The following CDK14 variants were observed in gnomAD, a reference collection of about 807,000 sequenced individuals.
The protein encoded by CDK14 is cyclin dependent kinase 14, also known as cyclin-dependent kinase 14.
A neutral mutation model predicts 60.7 loss-of-function variants in CDK14; 34 were observed. The observed-to-expected ratio is 0.56, with a 90% CI of 0.43 to 0.75. The LOEUF is 0.75. Ranked by LOEUF, CDK14 falls within the 30% of genes least tolerant of loss-of-function variation. The pLI, the probability that CDK14 is intolerant of heterozygous loss-of-function variation, is 0.00. For missense variants in CDK14, 482 were observed against 564.1 expected, an observed-to-expected ratio of 0.85 and a Z score of 1.47; for synonymous variants, 197 against 203.7, an observed-to-expected ratio of 0.97 and a Z score of 0.28.
intron 6 of CDK14, among the ~76,000 whole-genome samples, chr7:90,897,113 A>G (rs1342833867): frequency 6.6e-6 from 1 of 152,142 alleles, no homozygotes; most frequent in Non-Finnish European, 1.5e-5. Context: ...TTTGCTTTTA[A>G]TAATGTATCC....
At chr7:91,160,233 C>T (rs2115738447) in intron 14 of CDK14, among the ~76,000 whole-genome samples, 1 of 152,270 alleles carries the variant, frequency 6.6e-6, no homozygotes, top group South Asian at 2.1e-4. Context: ...ACCCTGTGCC[C>T]TCGGCTCTGC....
rs796093975 is a variant in CDK14, at chr7:90,598,704, A to ATTTTTTTTTTTTTTTTTTTTT, written c.91+2004_91+2005insTTTTTTTTTTTTTTTTTTTTT. ...GTGAACTCATTCTGATTATCTAAGG[A>ATTTTTTTTTTTTTTTTTTTTT]TTTTTTTTTTTTTTTTTTGAGACGG... On this transcript the variant is annotated intron_variant, in intron 1 of 14. Coordinates refer to ENST00000380050, the MANE Select transcript of CDK14 (RefSeq NM_001287135.2). 2.2e-4 allele frequency among the ~76,000 whole-genome samples: 19 copies of ATTTTTTTTTTTTTTTTTTTTT among 87,896 alleles called. 2 individuals are homozygous for ATTTTTTTTTTTTTTTTTTTTT. The highest frequency in any genetic ancestry group is 5.8e-4 in the East Asian group (2 of 3,442). The allele number at this position is 87,896 out of a possible 152,430, so 57.7% of individuals were successfully genotyped here. A position where few individuals can be genotyped will look rare whatever the true frequency, so the allele number is the denominator to read the frequency against.
At chr7:90,600,581 G>A (rs1013389841) in intron 1 of CDK14, among the ~76,000 whole-genome samples, 5 of 152,174 alleles carry the variant, frequency 3.3e-5, no homozygotes, top group Non-Finnish European at 7.3e-5. Context: ...TGAACTTTGG[G>A]GTTTGTTACC....
chr7:90,794,360 T>G (rs920711079), intron 5 of CDK14, among the ~76,000 whole-genome samples: 1 of 152,126 alleles, frequency 6.6e-6, no homozygotes, highest in African/African-American at 2.4e-5. Context: ...TGACCAAAAT[T>G]TATTAGGCGG....
At chr7:90,700,108 C>T (rs574078429) in intron 2 of CDK14, among the ~76,000 whole-genome samples, 44 of 152,142 alleles carry the variant, frequency 2.9e-4, no homozygotes, top group African/African-American at 9.2e-4. Flanking sequence ...GTGTCCAGGG[C>T]AACTAGGAAA....
chr7:90,598,703 G>GGTTTTTTTTTTT (rs1563010964), intron 1 of CDK14, among the ~76,000 whole-genome samples: 2 of 18,624 alleles, frequency 1.1e-4, no homozygotes, highest in Non-Finnish European at 1.9e-4. Flanking sequence ...ATTATCTAAG[G>GGTTTTTTTTTTT]ATTTTTTTTT....
At chr7:91,068,807 TAAAAAAAAAAAAAAAAA>T (rs57179045) in intron 11 of CDK14, among the ~76,000 whole-genome samples, 1 of 68,794 alleles carries the variant, frequency 1.5e-5, no homozygotes, top group Admixed American at 2.3e-4. Flanking sequence ...TACCTTATAT[TAAAAAAAAAAAAAAAAA>T]AAAAAAAAGC....
chr7:91,053,427 C>G (rs186840278), intron 11 of CDK14, among the ~76,000 whole-genome samples: 1 of 152,116 alleles, frequency 6.6e-6, no homozygotes, highest in Non-Finnish European at 1.5e-5. Context: ...GCCCACAGAC[C>G]TAGACCTACG....
intron 5 of CDK14, among the ~76,000 whole-genome samples, chr7:90,791,696 C>T (rs560928375): frequency 9.9e-5 from 15 of 152,228 alleles, no homozygotes; most frequent in East Asian, 7.7e-4. Flanking sequence ...TTATCTTTAG[C>T]GGAAACTGTT....
At chr7:91,089,995 T>C (rs1043296889) in intron 12 of CDK14, among the ~76,000 whole-genome samples, 2 of 152,216 alleles carry the variant, frequency 1.3e-5, no homozygotes, top group African/African-American at 2.4e-5. Flanking sequence ...AGAATTCTGC[T>C]GTCTCACATC....
chr7:90,639,377 G>A (rs1160929085), intron 2 of CDK14, among the ~76,000 whole-genome samples: 2 of 152,012 alleles, frequency 1.3e-5, no homozygotes, highest in Non-Finnish European at 2.9e-5. Flanking sequence ...GTCTGTTGGA[G>A]TTTGCTAGAG....
At chr7:90,815,325 C>T (rs535949338) in intron 5 of CDK14, among the ~76,000 whole-genome samples, 1 of 152,292 alleles carries the variant, frequency 6.6e-6, no homozygotes, top group African/African-American at 2.4e-5. Flanking sequence ...AAAAGCTCAT[C>T]ATCACTGGTC....
At chr7:90,811,095 T>G (rs923660397) in intron 5 of CDK14, among the ~76,000 whole-genome samples, 2 of 152,194 alleles carry the variant, frequency 1.3e-5, no homozygotes, top group Non-Finnish European at 2.9e-5. Context: ...ATGACTTTCT[T>G]CACAGAACTG....
intron 5 of CDK14, among the ~76,000 whole-genome samples, chr7:90,834,654 G>C (rs1790032065): frequency 6.6e-6 from 1 of 152,202 alleles, no homozygotes; most frequent in Non-Finnish European, 1.5e-5. Flanking sequence ...ATGGAGACTG[G>C]ACATTTTTTG....
chr7:90,868,130 T>A (rs1421081325), intron 6 of CDK14, among the ~76,000 whole-genome samples: 3 of 152,034 alleles, frequency 2.0e-5, no homozygotes, highest in East Asian at 1.9e-4. Flanking sequence ...AATTTGTCTC[T>A]AAAAAACAAA....
At chr7:90,620,085 A>T (rs1429514483) in intron 2 of CDK14, among the ~76,000 whole-genome samples, 1 of 152,154 alleles carries the variant, frequency 6.6e-6, no homozygotes, top group Non-Finnish European at 1.5e-5. Context: ...TGTATATTAA[A>T]TGTTTCTGTA....
chr7:91,153,287 GGT>G (rs1395359060), intron 14 of CDK14, among the ~76,000 whole-genome samples: 2 of 152,262 alleles, frequency 1.3e-5, no homozygotes, highest in East Asian at 3.9e-4. Flanking sequence ...GTACAGTGTT[GGT>G]GTGAGTGTAA....
intron 4 of CDK14, among the ~76,000 whole-genome samples, chr7:90,778,844 CGA>C (rs879576346): frequency 0.014 from 2,070 of 145,212 alleles, 48 homozygotes; most frequent in African/African-American, 0.049. Flanking sequence ...AAAAATTGAC[CGA>C]CCTTCCTTCC....
intron 2 of CDK14, among the ~76,000 whole-genome samples, chr7:90,705,362 GAAA>G (rs575826961): frequency 1.3e-5 from 2 of 151,830 alleles, no homozygotes; most frequent in Non-Finnish European, 2.9e-5. Flanking sequence ...GATAAAGATA[GAAA>G]AAAAGTAATT....
Sources: allele counts gnomAD v4.1 joint callset (sites outside exome capture counted in the v4.1 genomes callset), GRCh38; gene constraint gnomAD v4.1.1; transcripts MANE v1.5; gene names NCBI Gene and HGNC (gene_info 2026-07-23, HGNC 2026-07-21).